METTL25: variants seen among roughly 807,000 people sequenced by gnomAD.
METTL25 encodes probable methyltransferase-like protein 25.
METTL25 carries 64 observed loss-of-function variants against 71.6 expected under a neutral mutation model. The observed-to-expected ratio is 0.89, with a 90% confidence interval of 0.73 to 1.10. The LOEUF (loss-of-function observed/expected upper bound fraction) is 1.10. Among genes scored for constraint, METTL25 ranks in the 50% least tolerant of loss-of-function variants. The pLI is 0.00. For missense variants in METTL25, 807 were observed against 707.0 expected, an observed-to-expected ratio of 1.14 and a Z score of -1.60; for synonymous variants, 287 against 250.3, an observed-to-expected ratio of 1.15 and a Z score of -1.38.
intron 1 of METTL25, among the ~76,000 whole-genome samples, chr12:82,379,279 A>G (rs1011750025): frequency 6.6e-6 from 1 of 152,160 alleles, no homozygotes; most frequent in African/African-American, 2.4e-5. Context: ...AAAGAGAAGA[A>G]CAGAGGTTGA....
At chr12:82,426,563 G>A (rs978960911) in intron 5 of METTL25, among the ~76,000 whole-genome samples, 2 of 151,992 alleles carry the variant, frequency 1.3e-5, no homozygotes, top group African/African-American at 2.4e-5. Context: ...CCCTCTGTCA[G>A]CCTTTGTTGT....
Position 82,402,999 on chromosome 12 carries a change from G to A in METTL25, c.1148G>A (p.Gly383Asp). ...ATTTTAAAGGATTGTTTGATGGTGG[G>A]TCTCCACACTTGTGGTGATCTGGCT... The part of the protein sequence containing the change: ...IKDLEDCLMV[G>D]LHTCGDLAPN... Residue 383 changes from glycine to aspartate, a missense_variant, in exon 5 of 12, where the codon GGT becomes GAT. Coordinates refer to ENST00000248306, the MANE Select transcript of METTL25 (RefSeq NM_032230.3). 1 of 1,604,358 alleles carries A rather than the reference G, an allele frequency of 6.2e-7. No individual in the cohort carries two copies. The highest frequency in any genetic ancestry group is 1.1e-5 in the South Asian group (1 of 88,944).
intron 4 of METTL25, among the ~76,000 whole-genome samples, chr12:82,401,509 C>A (rs977848809): frequency 6.6e-6 from 1 of 151,968 alleles, no homozygotes; most frequent in Non-Finnish European, 1.5e-5. Flanking sequence ...AAATCAGTTT[C>A]CTCAATTTGC....
At position 82,425,220 on chromosome 12, in the gene METTL25, A is replaced by C. The variant is rs1040461312; in HGVS notation, c.1280-5673A>C. Among the ~76,000 whole-genome samples the C allele has an allele frequency of 2.6e-5, 4 of 152,072 alleles. No homozygotes were observed. In the South Asian group the frequency reaches 8.3e-4, roughly 32 times the overall value. On this transcript the variant is annotated intron_variant, in intron 5 of 11. Transcript: ENST00000248306. ...TTTATTATGCCCACCTTGTGCTTTA[A>C]AAAGCAGTAGGACCCAGCAGATGTG... is the stretch of plus-strand genomic sequence containing the variant.
intron 1 of METTL25, among the ~76,000 whole-genome samples, chr12:82,378,042 T>A (rs748657070): frequency 3.9e-5 from 6 of 152,232 alleles, no homozygotes; most frequent in Non-Finnish European, 7.3e-5. Flanking sequence ...GATTTCTTGT[T>A]AAGAAATATT....
At chr12:82,421,986 C>T (rs1888551534) in intron 5 of METTL25, among the ~76,000 whole-genome samples, 1 of 152,160 alleles carries the variant, frequency 6.6e-6, no homozygotes, top group African/African-American at 2.4e-5. Context: ...GTGCTGGTAC[C>T]ATTCCTTCTG....
At chr12:82,436,842 T>C (rs17775501) in intron 7 of METTL25, among the ~76,000 whole-genome samples, 4,990 of 151,696 alleles carry the variant, frequency 0.033, 92 homozygotes, top group Middle Eastern at 0.044. Flanking sequence ...TTACCTATTA[T>C]AGCTAGTCAA....
At chr12:82,423,557 T>C (rs906175309) in intron 5 of METTL25, among the ~76,000 whole-genome samples, 33 of 152,256 alleles carry the variant, frequency 2.2e-4, no homozygotes, top group Non-Finnish European at 4.3e-4. Flanking sequence ...CTAATTAAGC[T>C]AAAGAGCTTC....
At chr12:82,447,364 A>T (rs566803637) in intron 8 of METTL25, among the ~76,000 whole-genome samples, 1 of 152,318 alleles carries the variant, frequency 6.6e-6, no homozygotes, top group South Asian at 2.1e-4. Context: ...AGAAGAATGG[A>T]TAAATTGTAT....
In METTL25 at chr12:82,365,351, C is replaced by T. The variant is rs186676183; in HGVS notation, c.259+6527C>T. ...TACATTACAGATTACAATAAAATAC[C>T]CTGGGAATTTGGACATAAAATCAGA... On this transcript the variant is annotated intron_variant, in intron 1 of 11. Coordinates refer to ENST00000248306, the MANE Select transcript of METTL25 (RefSeq NM_032230.3). Among the ~76,000 whole-genome samples the T allele has an allele frequency of 2.7e-3, 413 of 151,910 alleles. 3 individuals are homozygous for T. Among genetic ancestry groups the T allele is most frequent in the Admixed American group, 7.7e-3 (117 of 15,284 alleles).
At chr12:82,478,324 AT>A (rs1002901040) in intron 11 of METTL25, among the ~76,000 whole-genome samples, 2 of 151,788 alleles carry the variant, frequency 1.3e-5, no homozygotes, top group African/African-American at 2.4e-5. Flanking sequence ...TAGAAATGTT[AT>A]TTTTAATATT....
At chr12:82,360,115 G>A (rs535408307) in intron 1 of METTL25, among the ~76,000 whole-genome samples, 1 of 152,250 alleles carries the variant, frequency 6.6e-6, no homozygotes, top group Admixed American at 6.5e-5. Context: ...GTTGAATGGA[G>A]GAATTAATGA....
chr12:82,360,384 TGAG>T (rs547100503), intron 1 of METTL25, among the ~76,000 whole-genome samples: 22 of 152,072 alleles, frequency 1.4e-4, no homozygotes, highest in African/African-American at 4.3e-4. Context: ...AATTATAACT[TGAG>T]GAGTTAATTT....
chr12:82,402,900 A>T, intron 4 of METTL25, 83 bp from the exon 5 acceptor site: 2 of 1,028,866 alleles, frequency 1.9e-6, no homozygotes, highest in Non-Finnish European at 2.8e-6. Context: ...ACATTGCAAG[A>T]TCCTGTATGT....
At chr12:82,426,303 G>T (rs1265532198) in intron 5 of METTL25, among the ~76,000 whole-genome samples, 1 of 152,050 alleles carries the variant, frequency 6.6e-6, no homozygotes, top group African/African-American at 2.4e-5. Context: ...AGCCGCAAAG[G>T]AAACTGTTAA....
At chr12:82,397,843 G>C (rs1592648685) in intron 3 of METTL25, among the ~76,000 whole-genome samples, 1 of 151,676 alleles carries the variant, frequency 6.6e-6, no homozygotes, top group Admixed American at 6.6e-5. Flanking sequence ...ATTGATTTAT[G>C]TGTCTGTTTT....
intron 9 of METTL25, among the ~76,000 whole-genome samples, chr12:82,457,120 A>G (rs1286016560): frequency 1.3e-5 from 2 of 152,038 alleles, no homozygotes; most frequent in Non-Finnish European, 2.9e-5. Flanking sequence ...AAATAGAAGT[A>G]AAGCAAGAGA....
intron 8 of METTL25, among the ~76,000 whole-genome samples, chr12:82,454,918 A>C (rs1347123987): frequency 2.6e-5 from 4 of 151,952 alleles, no homozygotes; most frequent in Non-Finnish European, 5.9e-5. Flanking sequence ...AGTTCTGAGC[A>C]CCTTATATGT....
At chr12:82,440,409 C>A (rs1445354906) in intron 8 of METTL25, among the ~76,000 whole-genome samples, 1 of 152,000 alleles carries the variant, frequency 6.6e-6, no homozygotes, top group Non-Finnish European at 1.5e-5. Flanking sequence ...CCCACCAATT[C>A]TATTCTTTTC....
Sources: gnomAD v4.1 joint callset for allele counts (sites outside exome capture counted in the v4.1 genomes callset) on GRCh38, gnomAD v4.1.1 for gene constraint, MANE v1.5 for transcripts, NCBI Gene and HGNC (gene_info 2026-07-23, HGNC 2026-07-21) for gene names.